The following SH3GL2 variants were observed in gnomAD, a reference collection of about 807,000 sequenced individuals.
SH3GL2 encodes the protein SH3 domain containing GRB2 like 2, endophilin A1.
Under a neutral mutation model 46.0 loss-of-function variants are expected in SH3GL2, and 24 were observed. The observed-to-expected ratio is 0.52, with a 90% confidence interval of 0.38 to 0.73. SH3GL2 has a LOEUF of 0.73. Ranked by LOEUF, SH3GL2 falls within the 30% of genes least tolerant of loss-of-function variation. SH3GL2 has a pLI of 0.00. For synonymous variants in SH3GL2, 196 were observed against 147.1 expected, an observed-to-expected ratio of 1.33 and a Z score of -2.40; for missense variants, 413 against 424.2, an observed-to-expected ratio of 0.97 and a Z score of 0.23.
In SH3GL2 at chr9:17,774,622, C is replaced by T. The variant is rs538719760; in HGVS notation, c.188-11759C>T. 5.9e-5 allele frequency among the ~76,000 whole-genome samples: 9 copies of T among 151,844 alleles called. No individual in the cohort carries two copies. In the East Asian group the frequency reaches 1.7e-3, roughly 29 times the overall value. ...CCATTTTTGTATATTGAACCATATG[C>T]TTGTATTTCAGGAACAAATACCACT... On this transcript the variant is annotated intron_variant, in intron 3 of 8. Coordinates refer to ENST00000380607, the MANE Select transcript of SH3GL2 (RefSeq NM_003026.5).
intron 1 of SH3GL2, among the ~76,000 whole-genome samples, chr9:17,648,990 C>T (rs145421465): frequency 1.3e-5 from 2 of 152,294 alleles, no homozygotes; most frequent in East Asian, 3.9e-4. Flanking sequence ...AACTGTGTTT[C>T]CTGTATGATG....
At chr9:17,766,405 G>C (rs542753980) in intron 3 of SH3GL2, among the ~76,000 whole-genome samples, 1 of 152,206 alleles carries the variant, frequency 6.6e-6, no homozygotes, top group East Asian at 1.9e-4. Flanking sequence ...CTGGTTGTAA[G>C]TGCCTATTCT....
chr9:17,724,120 T>G (rs1366974682), intron 1 of SH3GL2, among the ~76,000 whole-genome samples: 2 of 152,216 alleles, frequency 1.3e-5, no homozygotes, highest in African/African-American at 4.8e-5. Context: ...GATTATGTGT[T>G]GGTTTGCTAA....
chr9:17,705,303 ATTAGT>A (rs1821443507), intron 1 of SH3GL2, among the ~76,000 whole-genome samples: 1 of 152,110 alleles, frequency 6.6e-6, no homozygotes, highest in Non-Finnish European at 1.5e-5. Context: ...GGAAATGTAA[ATTAGT>A]TTAGCCATTG....
intron 1 of SH3GL2, among the ~76,000 whole-genome samples, chr9:17,723,333 G>A (rs887168384): frequency 6.6e-6 from 1 of 152,036 alleles, no homozygotes; most frequent in African/African-American, 2.4e-5. Context: ...TTCTCTGGTT[G>A]TTTTATGTAA....
intron 1 of SH3GL2, among the ~76,000 whole-genome samples, chr9:17,659,323 T>G (rs1029759827): frequency 2.6e-5 from 4 of 152,184 alleles, no homozygotes; most frequent in African/African-American, 9.7e-5. Flanking sequence ...TTCCATTTAT[T>G]GGCTCAGAAG....
At chr9:17,580,378 C>A (rs948606326) in intron 1 of SH3GL2, among the ~76,000 whole-genome samples, 8 of 152,078 alleles carry the variant, frequency 5.3e-5, no homozygotes, top group Non-Finnish European at 1.2e-4. Context: ...TGTTATGAAC[C>A]ACATCCAGAA....
At position 17,599,984 on chromosome 9, in the gene SH3GL2, A is replaced by T. The variant is rs1343531501; in HGVS notation, c.45+20697A>T. Among the ~76,000 whole-genome samples the T allele has an allele frequency of 2.0e-5, 3 of 151,896 alleles. No homozygotes were observed. The East Asian group carries it at 5.8e-4, about 29-fold the overall frequency. On this transcript the variant is annotated intron_variant, in intron 1 of 8. Coordinates refer to ENST00000380607, the MANE Select transcript of SH3GL2 (RefSeq NM_003026.5). ...TGAACAGTTATTTTGCTTATGAAAT[A>T]TAAAATTAGGACACTTTGTCATTTT...
At chr9:17,794,701 G>A (rs1397362511) in intron 8 of SH3GL2, among the ~76,000 whole-genome samples, 1 of 152,124 alleles carries the variant, frequency 6.6e-6, no homozygotes, top group Non-Finnish European at 1.5e-5. Flanking sequence ...TTAATACAGC[G>A]GGTCATTTGG....
intron 1 of SH3GL2, among the ~76,000 whole-genome samples, chr9:17,654,722 G>A (rs1820032016): frequency 6.6e-6 from 1 of 152,228 alleles, no homozygotes; most frequent in South Asian, 2.1e-4. Context: ...AGTAGCTAGT[G>A]TGAACAAGAA....
intron 1 of SH3GL2, among the ~76,000 whole-genome samples, chr9:17,689,885 A>G (rs1821027388): frequency 6.6e-6 from 1 of 152,116 alleles, no homozygotes; most frequent in African/African-American, 2.4e-5. Context: ...TCCCACTAGA[A>G]TTAGGCACAT....
intron 8 of SH3GL2, among the ~76,000 whole-genome samples, 182 bp from the exon 9 acceptor site, chr9:17,795,362 C>G (rs1824245505): frequency 6.6e-6 from 1 of 152,118 alleles, no homozygotes; most frequent in Non-Finnish European, 1.5e-5. Flanking sequence ...TGGTAGAGGG[C>G]AAGATGCCCA....
intron 1 of SH3GL2, among the ~76,000 whole-genome samples, chr9:17,734,410 C>A (rs1445363599): frequency 6.6e-6 from 1 of 152,092 alleles, no homozygotes; most frequent in Non-Finnish European, 1.5e-5. Context: ...ATTGACAAAG[C>A]ACTTACTCAA....
rs1824260193 is a variant in SH3GL2 at position 17,795,829 on chromosome 9, C to G, written c.*86C>G. 1 of 1,094,550 alleles carries G rather than the reference C, an allele frequency of 9.1e-7. No individual in the cohort carries two copies. The highest frequency in any genetic ancestry group is 2.1e-5 in the Admixed American group (1 of 48,668). 67.8% of individuals were successfully genotyped at this position (1,094,550 alleles called of 1,614,324 possible). Reference sequence around the variant, plus strand: ...TGGCAATGCTGCTTATAACACATCCCAAGTGCAGGCCGCAGTGGTCCACGT... The same window carrying G: ...TGGCAATGCTGCTTATAACACATCCGAAGTGCAGGCCGCAGTGGTCCACGT... On this transcript the variant is annotated 3_prime_UTR_variant, in exon 9 of 9. Coordinates refer to ENST00000380607, the MANE Select transcript of SH3GL2 (RefSeq NM_003026.5).
At chr9:17,777,054 T>A (rs1051460476) in intron 3 of SH3GL2, among the ~76,000 whole-genome samples, 5 of 152,162 alleles carry the variant, frequency 3.3e-5, no homozygotes, top group African/African-American at 1.2e-4. Context: ...CTTTGTAGAA[T>A]GGAGAGTGTT....
intron 1 of SH3GL2, among the ~76,000 whole-genome samples, chr9:17,618,698 A>G (rs1345814014): frequency 6.6e-6 from 1 of 152,154 alleles, no homozygotes; most frequent in Non-Finnish European, 1.5e-5. Context: ...AGTTTGTAAC[A>G]TTCTATACTT....
At chr9:17,722,656 T>A (rs4961587) in intron 1 of SH3GL2, among the ~76,000 whole-genome samples, 47 of 152,098 alleles carry the variant, frequency 3.1e-4, no homozygotes, top group South Asian at 1.7e-3. Context: ...ATTTTTTTTT[T>A]AAAAAGAATT....
At chr9:17,789,332 C>T in intron 5 of SH3GL2, 60 bp from the exon 6 acceptor site, 1 of 1,402,644 alleles carries the variant, frequency 7.1e-7, no homozygotes, top group Non-Finnish European at 1.0e-6. Flanking sequence ...GAGAAGTGAG[C>T]TCAAATAAGC....
At chr9:17,738,573 TATAG>T (rs1563833774) in intron 1 of SH3GL2, among the ~76,000 whole-genome samples, 15 of 47,412 alleles carry the variant, frequency 3.2e-4, no homozygotes, top group Non-Finnish European at 7.7e-4. Context: ...TACATATATA[TATAG>T]AGAGAGAGAG....
Sources: gnomAD v4.1 joint callset for allele counts (sites outside exome capture counted in the v4.1 genomes callset) on GRCh38, gnomAD v4.1.1 for gene constraint, MANE v1.5 for transcripts, NCBI Gene and HGNC (gene_info 2026-07-23, HGNC 2026-07-21) for gene names.